Variants in UBE2O observed in about 807,000 individuals in gnomAD.
UBE2O encodes ubiquitin conjugating enzyme E2 O, also known as (E3-independent) E2 ubiquitin-conjugating enzyme.
Under a neutral mutation model 125.8 loss-of-function variants are expected in UBE2O, and 15 were observed. The observed-to-expected ratio is 0.12, with a 90% CI of 0.08 to 0.18. The LOEUF (loss-of-function observed/expected upper bound fraction) is 0.18, where lower values mean the gene tolerates loss of function less well. Among genes scored for constraint, UBE2O ranks in the 10% least tolerant of loss-of-function variants. UBE2O has a pLI of 1.00. For synonymous variants in UBE2O, 708 were observed against 703.2 expected (o/e 1.01, Z -0.11); for missense variants, 1,280 against 1,723.6 (o/e 0.74, Z 4.56).
chr17:76,406,219 C>T (rs1028545523), intron 1 of UBE2O, among the ~76,000 whole-genome samples: 1 of 152,244 alleles, frequency 6.6e-6, no homozygotes, highest in African/African-American at 2.4e-5. Context: ...TCTCTTTACG[C>T]ACAGCTGGCA....
intron 1 of UBE2O, among the ~76,000 whole-genome samples, chr17:76,449,350 G>C (rs1293588153): frequency 6.6e-6 from 1 of 152,260 alleles, no homozygotes; most frequent in Non-Finnish European, 1.5e-5. Flanking sequence ...CAAGGCCGGT[G>C]AATCACTTGA....
chr17:76,421,740 T>C (rs1173204536), intron 1 of UBE2O, among the ~76,000 whole-genome samples: 1 of 152,248 alleles, frequency 6.6e-6, no homozygotes, highest in African/African-American at 2.4e-5. Flanking sequence ...TGGTAACTGA[T>C]GCCTTGGGAC....
intron 3 of UBE2O, among the ~76,000 whole-genome samples, chr17:76,403,015 A>T (rs926198948): frequency 3.9e-5 from 6 of 152,122 alleles, no homozygotes; most frequent in Non-Finnish European, 8.8e-5. Context: ...TGGACACAGG[A>T]CACCTGGCAA....
rs1325912480 is a variant in UBE2O at position 76,395,500 on chromosome 17, A to G, written c.2946+225T>C. ...AGCCACTGCGCCCGGCCGAGAAAGT[A>G]ATTTTTTAAAGGAGGGAGGAAAGAA... On this transcript the variant is annotated intron_variant, in intron 15 of 17. Coordinates refer to ENST00000319380, the MANE Select transcript of UBE2O (RefSeq NM_022066.4). The surrounding 1 kb of genome is among the most constrained non-coding windows in gnomAD (Gnocchi z 5.0). 1 of 498,598 alleles carries G rather than the reference A, an allele frequency of 2.0e-6. No individual in the cohort carries two copies. Among genetic ancestry groups the G allele is most frequent in the Non-Finnish European group, 3.5e-6 (1 of 287,608 alleles). 30.9% of individuals were successfully genotyped at this position (498,598 alleles called of 1,614,324 possible). A position where few individuals can be genotyped will look rare whatever the true frequency, so the allele number is the denominator to read the frequency against.
Position 76,396,835 on chromosome 17 carries a change from G to T in UBE2O, c.2116-14C>A. On this transcript the variant is annotated splice_polypyrimidine_tract_variant and intron_variant, in intron 13 of 17. Transcript: ENST00000319380. The surrounding 1 kb of genome is among the most constrained non-coding windows in gnomAD (Gnocchi z 6.7). ...GTTGTACAAGTGCTGGGGGCAGAAG[G>T]GAAGTGCCAGGGTAAGCAGACAGGA... is the stretch of plus-strand genomic sequence containing the variant. 6.4e-7 allele frequency: 1 copy of T among 1,562,944 alleles called. No individual in the cohort carries two copies.
rs963771890 is a variant in UBE2O, at chr17:76,398,679, C to T, written c.1784-95G>A. 15 of 1,481,054 alleles carry T rather than the reference C, an allele frequency of 1.0e-5. No homozygotes were observed. In the Admixed American group the frequency reaches 1.2e-4, roughly 12 times the overall value. 91.7% of individuals were successfully genotyped at this position (1,481,054 alleles called of 1,614,324 possible). ...TGCAGAGTGCAGAACCCTGACCTTCCCCCGTCTTGGAAGTGGTGAGACCCC... is the reference window on the plus strand; with the variant it reads ...TGCAGAGTGCAGAACCCTGACCTTCTCCCGTCTTGGAAGTGGTGAGACCCC... On this transcript the variant is annotated intron_variant, in intron 10 of 17. Coordinates refer to ENST00000319380, the MANE Select transcript of UBE2O (RefSeq NM_022066.4). The surrounding 1 kb of genome is among the most constrained non-coding windows in gnomAD (Gnocchi z 5.4).
chr17:76,450,624 TTTTTC>T (rs949774019), intron 1 of UBE2O, among the ~76,000 whole-genome samples: 1 of 151,980 alleles, frequency 6.6e-6, no homozygotes, highest in Admixed American at 6.6e-5. Flanking sequence ...TGTTGTTTTT[TTTTTC>T]TTTTCTTTTG....
intron 1 of UBE2O, among the ~76,000 whole-genome samples, chr17:76,450,185 G>A (rs556985836): frequency 6.6e-6 from 1 of 151,760 alleles, no homozygotes; most frequent in South Asian, 2.1e-4. Flanking sequence ...TTTCCTTTAC[G>A]GCATACTATC....
At position 76,396,730 on chromosome 17, in the gene UBE2O, T is replaced by C; in HGVS notation, c.2207A>G (p.Asp736Gly). Residue 736 changes from aspartate to glycine, a missense_variant, in exon 14 of 18, where the codon GAT becomes GGT. Asp to Gly is a moderately conservative substitution (Grantham distance 94). Transcript: ENST00000319380. The surrounding 1 kb of genome is among the most constrained non-coding windows in gnomAD (Gnocchi z 6.7). ...GTCCGTCTCCCAGCTGTCACTATCA[T>C]CTTCCCATTCATCCGAGGATGCCCC... ...TSGASSDEWE[D>G]DSDSWETDNG... is the part of the protein sequence containing the mutation. 1 of 1,614,080 alleles carries C rather than the reference T, an allele frequency of 6.2e-7. No homozygotes were observed. Among genetic ancestry groups the C allele is most frequent in the Non-Finnish European group, 8.5e-7 (1 of 1,180,006 alleles).
chr17:76,401,266 C>T (rs1371605510), intron 5 of UBE2O, 112 bp from the exon 6 acceptor site: 3 of 1,217,274 alleles, frequency 2.5e-6, no homozygotes, highest in East Asian at 5.1e-5. Context: ...CACTCACACA[C>T]ACGCCCCACA....
At chr17:76,426,891 G>T (rs976074388) in intron 1 of UBE2O, among the ~76,000 whole-genome samples, 1 of 146,638 alleles carries the variant, frequency 6.8e-6, no homozygotes, top group Non-Finnish European at 1.5e-5. Context: ...GAAGTACAGC[G>T]AAGGTCTCTT....
At chr17:76,430,832 C>A in intron 1 of UBE2O, 1 of 353,148 alleles carries the variant, frequency 2.8e-6, no homozygotes, top group African/African-American at 2.2e-5. Flanking sequence ...GCTCACACCA[C>A]TGATACCTCT....
At position 76,400,404 on chromosome 17, in the gene UBE2O, C is replaced by G. The variant is rs781098873; in HGVS notation, c.1004+37G>C. On this transcript the variant is annotated intron_variant, in intron 7 of 17. Transcript: ENST00000319380. This position sits in a 1 kb window ranked among gnomAD's most constrained non-coding sequence, Gnocchi z 4.3. ...CCAGGGCCCAGAGCCCTGTCCCACG[C>G]GTGCCCCTGGGTTGCTGGCAGTAAG... 5 of 1,597,578 alleles carry G rather than the reference C, an allele frequency of 3.1e-6. No individual in the cohort carries two copies. In the South Asian group the frequency reaches 5.6e-5, roughly 18 times the overall value.
Position 76,416,736 on chromosome 17 carries a change from T to G in UBE2O, c.418-11164A>C, listed in dbSNP as rs4550478. ...TGGGAGTTGACCAAAATGTCACTTC[T>G]TGGCTGGGTCATTAGGTCCTAAGAC... On this transcript the variant is annotated intron_variant, in intron 1 of 17. Coordinates refer to ENST00000319380, the MANE Select transcript of UBE2O (RefSeq NM_022066.4). Among the ~76,000 whole-genome samples, 3 of 151,680 alleles carry G rather than the reference T, an allele frequency of 2.0e-5. No homozygotes were observed. In the East Asian group the frequency reaches 5.8e-4, roughly 29 times the overall value.
At chr17:76,445,060 AAGG>A (rs2073130753) in intron 1 of UBE2O, among the ~76,000 whole-genome samples, 1 of 152,186 alleles carries the variant, frequency 6.6e-6, no homozygotes, top group Non-Finnish European at 1.5e-5. Context: ...CCAGAATTAA[AAGG>A]AGGAGGAAGA....
intron 15 of UBE2O, among the ~76,000 whole-genome samples, chr17:76,394,511 A>G (rs1159631139): frequency 6.6e-6 from 1 of 152,256 alleles, no homozygotes; most frequent in African/African-American, 2.4e-5. Context: ...CTAGATCATT[A>G]TGAATCAACA....
intron 1 of UBE2O, among the ~76,000 whole-genome samples, chr17:76,428,224 G>A (rs551318407): frequency 2.3e-4 from 35 of 152,104 alleles, no homozygotes; most frequent in African/African-American, 7.0e-4. Flanking sequence ...TTTGCTCTTC[G>A]GAAGCTTTAT....
Position 76,405,154 on chromosome 17 carries a change from C to T in UBE2O, c.588+52G>A, listed in dbSNP as rs553040922. ...GGCTGTAGCCCAGAGGTCGTGCCGC[C>T]GAGAGAACCAGAGGGCCCAGAAAGG... On this transcript the variant is annotated intron_variant, in intron 3 of 17. Transcript: ENST00000319380. The surrounding 1 kb of genome is among the most constrained non-coding windows in gnomAD (Gnocchi z 6.1). 24 of 1,412,760 alleles carry T rather than the reference C, an allele frequency of 1.7e-5. No homozygotes were observed. Among genetic ancestry groups the T allele is most frequent in the South Asian group, 5.0e-5 (4 of 79,240 alleles). The allele number at this position is 1,412,760 out of a possible 1,614,324, so 87.5% of individuals were successfully genotyped here. A position where few individuals can be genotyped will look rare whatever the true frequency, so the allele number is the denominator to read the frequency against.
intron 15 of UBE2O, among the ~76,000 whole-genome samples, chr17:76,393,034 G>A (rs1418668612): frequency 2.0e-5 from 3 of 151,906 alleles, no homozygotes; most frequent in Admixed American, 6.6e-5. Context: ...CAAGGTGGGA[G>A]GACTGCTTGA....
Sources: allele counts gnomAD v4.1 joint callset (sites outside exome capture counted in the v4.1 genomes callset), GRCh38; gene constraint gnomAD v4.1.1; non-coding constraint Gnocchi (gnomAD v3.1); transcripts MANE v1.5; gene names NCBI Gene and HGNC (gene_info 2026-07-23, HGNC 2026-07-21).